Variants in RGS7BP observed in about 807,000 individuals in gnomAD.
The protein encoded by RGS7BP is regulator of G protein signaling 7-binding protein.
RGS7BP carries 9 observed loss-of-function variants against 31.3 expected under a neutral mutation model. The observed-to-expected ratio is 0.29, with a 90% CI of 0.17 to 0.50. RGS7BP has a LOEUF of 0.50. Ranked by LOEUF, RGS7BP falls within the 20% of genes least tolerant of loss-of-function variation. The pLI is 0.98. For missense variants in RGS7BP, 274 were observed against 322.0 expected, an observed-to-expected ratio of 0.85 and a Z score of 1.14; for synonymous variants, 115 against 120.1, an observed-to-expected ratio of 0.96 and a Z score of 0.28.
intron 2 of RGS7BP, among the ~76,000 whole-genome samples, chr5:64,510,785 A>G (rs902120131): frequency 6.6e-6 from 1 of 152,192 alleles, no homozygotes; most frequent in African/African-American, 2.4e-5. Context: ...TTTTCTACAT[A>G]TGTAGCTTTT....
Position 64,609,534 on chromosome 5 carries a change from A to C in RGS7BP, c.*282A>C, listed in dbSNP as rs1460500386. On this transcript the variant is annotated 3_prime_UTR_variant, in exon 6 of 6. Coordinates refer to ENST00000334025, the MANE Select transcript of RGS7BP (RefSeq NM_001029875.3). ...TCCAAACCACGCCATGACAGATGCAAGAATTATGATTTTTAAATTATTTAA... is the reference window on the plus strand; with the variant it reads ...TCCAAACCACGCCATGACAGATGCACGAATTATGATTTTTAAATTATTTAA... The C allele has an allele frequency of 1.1e-5, 4 of 359,650 alleles. No individual in the cohort carries two copies. Among genetic ancestry groups the C allele is most frequent in the African/African-American group, 8.1e-5 (4 of 49,364 alleles). The allele number at this position is 359,650 out of a possible 1,614,324, so 22.3% of individuals were successfully genotyped here. A position where few individuals can be genotyped will look rare whatever the true frequency, so the allele number is the denominator to read the frequency against.
intron 2 of RGS7BP, among the ~76,000 whole-genome samples, chr5:64,528,302 C>T (rs1028564051): frequency 2.0e-5 from 3 of 152,080 alleles, no homozygotes; most frequent in Non-Finnish European, 2.9e-5. Context: ...GCTCTTGATC[C>T]GTTTTTCTTC....
intron 2 of RGS7BP, among the ~76,000 whole-genome samples, chr5:64,558,281 G>A (rs1293825727): frequency 1.3e-5 from 2 of 152,262 alleles, no homozygotes; most frequent in Non-Finnish European, 2.9e-5. Flanking sequence ...CCCGAACAGA[G>A]GGACCTGCTG....
Position 64,609,352 on chromosome 5 carries a change from T to C in RGS7BP, c.*100T>C. 1 of 726,844 alleles carries C rather than the reference T, an allele frequency of 1.4e-6. No homozygotes were observed. The highest frequency in any genetic ancestry group is 2.5e-6 in the Non-Finnish European group (1 of 395,720). 45.0% of individuals were successfully genotyped at this position (726,844 alleles called of 1,614,324 possible). The stretch of plus-strand genomic sequence containing the variant: ...CCACACAGTTATTGGTTTTTGACTA[T>C]GTTTTCTATGCTTCCTTATTACTTT... On this transcript the variant is annotated 3_prime_UTR_variant, in exon 6 of 6. Coordinates refer to ENST00000334025, the MANE Select transcript of RGS7BP (RefSeq NM_001029875.3).
intron 2 of RGS7BP, among the ~76,000 whole-genome samples, chr5:64,531,118 C>G (rs993761088): frequency 6.6e-6 from 1 of 152,220 alleles, no homozygotes; most frequent in Non-Finnish European, 1.5e-5. Flanking sequence ...AAATACTCTC[C>G]CCATGGAAAG....
intron 5 of RGS7BP, among the ~76,000 whole-genome samples, chr5:64,607,387 G>T (rs541298550): frequency 6.6e-6 from 1 of 152,016 alleles, no homozygotes; most frequent in Admixed American, 6.6e-5. Context: ...GCTACAACTT[G>T]GTTTTATACG....
intron 2 of RGS7BP, among the ~76,000 whole-genome samples, chr5:64,563,569 C>A (rs978864840): frequency 6.6e-6 from 1 of 152,060 alleles, no homozygotes; most frequent in Admixed American, 6.6e-5. Context: ...TCAGTGATTG[C>A]CAGAAAACTA....
At chr5:64,542,365 T>G (rs1407508427) in intron 2 of RGS7BP, among the ~76,000 whole-genome samples, 1 of 152,226 alleles carries the variant, frequency 6.6e-6, no homozygotes, top group African/African-American at 2.4e-5. Flanking sequence ...ATGCTGTTTT[T>G]TAAAAAATGC....
chr5:64,598,431 T>G lies in RGS7BP; in HGVS notation c.678T>G (p.Asn226Lys), dbSNP rs1171174021. 2 of 1,593,494 alleles carry G rather than the reference T, an allele frequency of 1.3e-6. No homozygotes were observed. Among genetic ancestry groups the G allele is most frequent in the East Asian group, 2.2e-5 (1 of 44,788 alleles). ...LRETMPLPLKNQDDSSLLNLT... is the reference protein window; with the variant it reads ...LRETMPLPLKKQDDSSLLNLT... ...AAACTATGCCTTTACCATTGAAAAA[T>G]CAAGGTGAGTCTTGTCACTTCTCTT... The change falls in exon 5 of 6, where the codon AAT (asparagine) becomes AAG (lysine). Residue 226 changes from asparagine (N) to lysine (K), a missense_variant. This residue lies in a region of RGS7BP where 112 missense variants were observed against 130.9 expected (regional missense o/e 0.86). Transcript: ENST00000334025.
intron 3 of RGS7BP, among the ~76,000 whole-genome samples, chr5:64,588,439 C>G (rs1561345429): frequency 6.6e-6 from 1 of 152,166 alleles, no homozygotes; most frequent in Non-Finnish European, 1.5e-5. Flanking sequence ...ATAAAAGACA[C>G]AGAATCCCTA....
intron 3 of RGS7BP, among the ~76,000 whole-genome samples, chr5:64,591,305 C>T (rs1034054937): frequency 2.0e-5 from 3 of 151,872 alleles, no homozygotes; most frequent in African/African-American, 4.8e-5. Flanking sequence ...ATGTAACAAA[C>T]CTGCACCTAT....
chr5:64,588,275 G>T lies in RGS7BP; in HGVS notation c.464-6435G>T, dbSNP rs1022017103. 2.0e-5 allele frequency among the ~76,000 whole-genome samples: 3 copies of T among 152,264 alleles called. No homozygotes were observed. The East Asian group carries it at 5.8e-4, about 29-fold the overall frequency. ...CATTCGGCACATCTTGCAAAATGGG[G>T]CACTGACTGCCCTTTGTTTTACCCT... is the stretch of plus-strand genomic sequence containing the variant. On this transcript the variant is annotated intron_variant, in intron 3 of 5. Transcript: ENST00000334025.
chr5:64,528,533 C>T (rs1029085661), intron 2 of RGS7BP, among the ~76,000 whole-genome samples: 3 of 152,060 alleles, frequency 2.0e-5, no homozygotes, highest in African/African-American at 7.2e-5. Context: ...AAGGATAGGC[C>T]GGGTGCAGTG....
At chr5:64,515,391 G>A (rs1464474290) in intron 2 of RGS7BP, among the ~76,000 whole-genome samples, 1 of 152,174 alleles carries the variant, frequency 6.6e-6, no homozygotes, top group East Asian at 1.9e-4. Flanking sequence ...TCAGCAGGCA[G>A]TGTGTATCTT....
intron 2 of RGS7BP, among the ~76,000 whole-genome samples, chr5:64,512,919 A>G (rs1748878050): frequency 6.6e-6 from 1 of 152,224 alleles, no homozygotes; most frequent in South Asian, 2.1e-4. Flanking sequence ...TAATATTTAT[A>G]AAATCTTTTG....
chr5:64,510,177 A>T (rs1748797994), intron 2 of RGS7BP, among the ~76,000 whole-genome samples: 1 of 152,182 alleles, frequency 6.6e-6, no homozygotes, highest in African/African-American at 2.4e-5. Flanking sequence ...TTGTCATCAC[A>T]ACCCAGCTAT....
chr5:64,539,110 C>T (rs73111037), intron 2 of RGS7BP, among the ~76,000 whole-genome samples: 3,283 of 152,032 alleles, frequency 0.022, 68 homozygotes, highest in African/African-American at 0.054. Flanking sequence ...TTTTAATTTG[C>T]GTTCCCCTAA....
intron 4 of RGS7BP, among the ~76,000 whole-genome samples, chr5:64,597,907 G>A (rs891260714): frequency 2.6e-5 from 4 of 152,032 alleles, no homozygotes; most frequent in Admixed American, 1.3e-4. Flanking sequence ...TTTAACAAAC[G>A]AGCAAATAAC....
intron 2 of RGS7BP, among the ~76,000 whole-genome samples, chr5:64,551,760 G>A: frequency 6.6e-6 from 1 of 152,162 alleles, no homozygotes; most frequent in South Asian, 2.1e-4. Flanking sequence ...ATGTTAAGCA[G>A]TTATTAATAA....
Sources: allele counts gnomAD v4.1 joint callset (sites outside exome capture counted in the v4.1 genomes callset), GRCh38; gene constraint gnomAD v4.1.1; regional missense constraint gnomAD v4.1.1; transcripts MANE v1.5; gene names NCBI Gene and HGNC (gene_info 2026-07-23, HGNC 2026-07-21).